Variants in STK32A observed in about 807,000 individuals in gnomAD.
STK32A encodes serine/threonine kinase 32A.
STK32A carries 41 observed loss-of-function variants against 53.2 expected under a neutral mutation model. The ratio of observed to expected loss-of-function variants is 0.77; its 90% CI spans 0.60 to 1.00. The LOEUF is 1.00. Among genes scored for constraint, STK32A ranks in the 50% least tolerant of loss-of-function variants. The pLI is 0.00. For missense variants in STK32A, 458 were observed against 485.8 expected (o/e 0.94, Z 0.54); for synonymous variants, 166 against 162.8 (o/e 1.02, Z -0.15).
At chr5:147,303,909 A>T (rs1026569266) in intron 4 of STK32A, among the ~76,000 whole-genome samples, 1 of 152,222 alleles carries the variant, frequency 6.6e-6, no homozygotes, top group Non-Finnish European at 1.5e-5. Flanking sequence ...ATGTTGACTG[A>T]CTGATGAACA....
chr5:147,350,060 G>A (rs936445021), intron 6 of STK32A, among the ~76,000 whole-genome samples: 9 of 151,110 alleles, frequency 6.0e-5, no homozygotes, highest in East Asian at 2.0e-4. Context: ...GCAGTGAGCC[G>A]AGAGCACACC....
chr5:147,263,018 C>A (rs765527446), intron 2 of STK32A, among the ~76,000 whole-genome samples: 13 of 152,152 alleles, frequency 8.5e-5, no homozygotes, highest in Admixed American at 7.2e-4. Flanking sequence ...ATTCTCCACT[C>A]CATACTATGG....
intron 4 of STK32A, among the ~76,000 whole-genome samples, chr5:147,322,100 T>A (rs555906422): frequency 3.7e-4 from 57 of 152,274 alleles, no homozygotes; most frequent in African/African-American, 1.3e-3. Context: ...GTTGCTGCAG[T>A]TGGAAGGCTT....
chr5:147,323,444 A>G (rs1754415074), intron 4 of STK32A, among the ~76,000 whole-genome samples: 1 of 152,086 alleles, frequency 6.6e-6, no homozygotes, highest in Non-Finnish European at 1.5e-5. Flanking sequence ...ATCTGTTATA[A>G]TGTTGCTGGG....
chr5:147,328,792 A>G (rs1020653793), intron 5 of STK32A, among the ~76,000 whole-genome samples: 11 of 152,312 alleles, frequency 7.2e-5, no homozygotes, highest in African/African-American at 2.6e-4. Context: ...AATCTGGTGG[A>G]AAGTAATTAT....
Position 147,239,623 on chromosome 5 carries a change from G to A in STK32A, c.-12G>A. ...GTATAAATCGAGGATCCAGGTCTGG[G>A]CAGATTCAACCATGGGAGCGAACAC... On this transcript the variant is annotated 5_prime_UTR_variant, in exon 2 of 13. Transcript: ENST00000397936. The A allele has an allele frequency of 6.2e-7, 1 of 1,602,700 alleles. No individual in the cohort carries two copies. Among genetic ancestry groups the A allele is most frequent in the Non-Finnish European group, 8.5e-7 (1 of 1,173,818 alleles).
chr5:147,335,770 C>G (rs1315105031), intron 5 of STK32A, among the ~76,000 whole-genome samples: 1 of 152,136 alleles, frequency 6.6e-6, no homozygotes, highest in Non-Finnish European at 1.5e-5. Flanking sequence ...CCAAAGCACA[C>G]AAAATACAGT....
chr5:147,397,539 C>A, the STK32A span: 1 of 1,053,172 alleles, frequency 9.5e-7, no homozygotes, highest in African/African-American at 1.6e-5. Context: ...TTCTTGGGGA[C>A]AAGACTGTCA....
intron 2 of STK32A, among the ~76,000 whole-genome samples, chr5:147,246,077 G>T (rs1292251974): frequency 6.6e-6 from 1 of 152,136 alleles, no homozygotes; most frequent in Non-Finnish European, 1.5e-5. Flanking sequence ...CTTTCCCTTA[G>T]CAGCCTTGAG....
At chr5:147,390,747 G>A (rs1757775934), downstream of STK32A, 1 of 152,372 alleles carries the variant, frequency 6.6e-6, no homozygotes, top group Non-Finnish European at 1.5e-5. Flanking sequence ...GTTCTACTGG[G>A]CAATTTTAAT....
At chr5:147,305,185 T>A (rs1753343378) in intron 4 of STK32A, among the ~76,000 whole-genome samples, 1 of 152,092 alleles carries the variant, frequency 6.6e-6, no homozygotes, top group Admixed American at 6.6e-5. Flanking sequence ...CAGGGAAGAT[T>A]AGGCTTGCAG....
chr5:147,258,749 A>T (rs1561673375), intron 2 of STK32A, among the ~76,000 whole-genome samples: 1 of 151,872 alleles, frequency 6.6e-6, no homozygotes, highest in Non-Finnish European at 1.5e-5. Flanking sequence ...TGTGGACAAG[A>T]CTGTCTAAGG....
At chr5:147,241,733 T>A (rs1168060024) in intron 2 of STK32A, among the ~76,000 whole-genome samples, 2 of 152,166 alleles carry the variant, frequency 1.3e-5, no homozygotes, top group African/African-American at 4.8e-5. Flanking sequence ...ATTACTTAAT[T>A]TTTCTGTCTC....
At chr5:147,292,042 T>A (rs1349900426) in intron 4 of STK32A, among the ~76,000 whole-genome samples, 2 of 152,234 alleles carry the variant, frequency 1.3e-5, no homozygotes, top group African/African-American at 2.4e-5. Context: ...AGCATCTACA[T>A]AAATTGGGTG....
chr5:147,294,779 G>A (rs569975693), intron 4 of STK32A, among the ~76,000 whole-genome samples: 2 of 151,978 alleles, frequency 1.3e-5, no homozygotes, highest in African/African-American at 4.8e-5. Flanking sequence ...TGCCTCCTGG[G>A]TTCAAGCAAT....
chr5:147,352,960 A>C (rs1028927169), intron 7 of STK32A, among the ~76,000 whole-genome samples: 3 of 152,200 alleles, frequency 2.0e-5, no homozygotes, highest in African/African-American at 2.4e-5. Flanking sequence ...TCCTGAAAAC[A>C]CCACAAGTCC....
At chr5:147,317,239 T>G (rs1754040087) in intron 4 of STK32A, among the ~76,000 whole-genome samples, 2 of 151,620 alleles carry the variant, frequency 1.3e-5, no homozygotes, top group South Asian at 4.1e-4. Flanking sequence ...AATGTATAGA[T>G]TGACGTGACA....
At chr5:147,235,529 CT>C (rs1326624668) in intron 1 of STK32A, among the ~76,000 whole-genome samples, 1 of 152,204 alleles carries the variant, frequency 6.6e-6, no homozygotes, top group East Asian at 1.9e-4. Context: ...TCCACAAGGA[CT>C]TTTTCCCCCA....
chr5:147,305,775 C>T (rs1160282686), intron 4 of STK32A, among the ~76,000 whole-genome samples: 1 of 151,616 alleles, frequency 6.6e-6, no homozygotes, highest in African/African-American at 2.4e-5. Flanking sequence ...CGTTTTTTAC[C>T]ATTGATAGGC....
Sources: allele counts gnomAD v4.1 joint callset (sites outside exome capture counted in the v4.1 genomes callset), GRCh38; gene constraint gnomAD v4.1.1; transcripts MANE v1.5; gene names NCBI Gene and HGNC (gene_info 2026-07-23, HGNC 2026-07-21).